PHKB: variants seen among roughly 807,000 people sequenced by gnomAD.
PHKB encodes the protein phosphorylase b kinase regulatory subunit beta.
A neutral mutation model predicts 152.1 loss-of-function variants in PHKB; 122 were observed. That is an observed-to-expected ratio of 0.80 (90% CI 0.69 to 0.93). The LOEUF is 0.93. Ranked by LOEUF, PHKB falls within the 40% of genes least tolerant of loss-of-function variation. The probability of loss-of-function intolerance (pLI) is 0.00; values close to 1 mark genes in which losing one functional copy is unlikely to be tolerated. For synonymous variants in PHKB, 436 were observed against 464.9 expected (o/e 0.94, Z 0.80); for missense variants, 1,304 against 1,328.4 (o/e 0.98, Z 0.29).
chr16:47,545,396 T>C (rs186631511), intron 6 of PHKB, among the ~76,000 whole-genome samples: 3 of 152,244 alleles, frequency 2.0e-5, no homozygotes, highest in Non-Finnish European at 4.4e-5. Context: ...AAAATTCTTT[T>C]CTTTACGAAT....
At chr16:47,697,934 C>G (rs143539416) in intron 29 of PHKB, among the ~76,000 whole-genome samples, 5 of 152,150 alleles carry the variant, frequency 3.3e-5, no homozygotes, top group African/African-American at 1.2e-4. Context: ...ACATGGCCAT[C>G]CCTTGAGAAA....
At chr16:47,599,014 A>G in intron 13 of PHKB, 1 of 808,004 alleles carries the variant, frequency 1.2e-6, no homozygotes, top group East Asian at 2.5e-5. Flanking sequence ...GACAGCGCCA[A>G]CGATTCGATC....
At chr16:47,516,578 T>G (rs916298033) in intron 6 of PHKB, among the ~76,000 whole-genome samples, 1 of 152,130 alleles carries the variant, frequency 6.6e-6, no homozygotes, top group Admixed American at 6.6e-5. Context: ...TTACTATTCC[T>G]CTCCTGTGAT....
chr16:47,559,305 G>A (rs1232769399), intron 7 of PHKB, among the ~76,000 whole-genome samples: 3 of 152,174 alleles, frequency 2.0e-5, no homozygotes, highest in Non-Finnish European at 4.4e-5. Flanking sequence ...ATTCAAAATT[G>A]TAATTGGCCT....
chr16:47,484,974 AAGTACTT>A (rs1413608494), intron 1 of PHKB, among the ~76,000 whole-genome samples: 1 of 152,188 alleles, frequency 6.6e-6, no homozygotes, highest in African/African-American at 2.4e-5. Flanking sequence ...AGGCATTTTA[AAGTACTT>A]AGTTATCTAT....
chr16:47,557,413 C>A (rs180892194), intron 7 of PHKB, among the ~76,000 whole-genome samples: 2,264 of 143,910 alleles, frequency 0.016, 21 homozygotes, highest in Non-Finnish European at 0.023. Context: ...AGCTTCTGCA[C>A]AGCAAAAGAA....
chr16:47,538,644 A>C (rs1448690333), intron 6 of PHKB, among the ~76,000 whole-genome samples: 1 of 152,194 alleles, frequency 6.6e-6, no homozygotes, highest in African/African-American at 2.4e-5. Context: ...GTCCTTCATG[A>C]GATAACCTGG....
chr16:47,594,612 C>A (rs2151700729), intron 12 of PHKB, among the ~76,000 whole-genome samples: 1 of 152,166 alleles, frequency 6.6e-6, no homozygotes. Context: ...TATTCTGGCC[C>A]CCTCTTTGGA....
At chr16:47,642,494 G>T (rs552534070) in intron 16 of PHKB, among the ~76,000 whole-genome samples, 11 of 152,236 alleles carry the variant, frequency 7.2e-5, no homozygotes, top group African/African-American at 2.6e-4. Context: ...TTTAGTAATT[G>T]TTAAAAACAA....
intron 7 of PHKB, among the ~76,000 whole-genome samples, chr16:47,556,084 G>C (rs1404050836): frequency 6.6e-6 from 1 of 152,140 alleles, no homozygotes; most frequent in Non-Finnish European, 1.5e-5. Flanking sequence ...TCTGTTATTG[G>C]TGTCTAAGAA....
intron 16 of PHKB, among the ~76,000 whole-genome samples, chr16:47,646,269 C>G (rs1184315881): frequency 2.7e-5 from 2 of 75,128 alleles, no homozygotes; most frequent in Non-Finnish European, 5.0e-5. Flanking sequence ...TCTCAGTAAA[C>G]TATCGCAAGA....
In PHKB at chr16:47,547,474, T is replaced by C. The variant is rs913444440; in HGVS notation, c.636T>C (p.Val212=). The C allele has an allele frequency of 1.9e-6, 3 of 1,612,956 alleles. No individual in the cohort carries two copies. Among genetic ancestry groups the C allele is most frequent in the Non-Finnish European group, 2.5e-6 (3 of 1,178,986 alleles). The change falls in exon 7 of 31, where the codon GTT becomes GTC. Residue 212 remains valine (V), a synonymous_variant. Coordinates refer to ENST00000323584, the MANE Select transcript of PHKB (RefSeq NM_000293.3). Reference sequence around the variant, plus strand: ...ACCTTGTATTTTGTGTGGAAAGAGTTTACCGTGTGCCTGACTTTGGTGTCT... The same window carrying C: ...ACCTTGTATTTTGTGTGGAAAGAGTCTACCGTGTGCCTGACTTTGGTGTCT... ...IQNLVFCVER[V]YRVPDFGVWE...
At chr16:47,682,120 C>A (rs1457127390) in intron 26 of PHKB, among the ~76,000 whole-genome samples, 2 of 152,158 alleles carry the variant, frequency 1.3e-5, no homozygotes, top group Non-Finnish European at 2.9e-5. Context: ...TGTATTCTGC[C>A]AAGAGATCCG....
At chr16:47,627,461 G>A (rs186238365) in intron 14 of PHKB, among the ~76,000 whole-genome samples, 33 of 152,266 alleles carry the variant, frequency 2.2e-4, no homozygotes, top group African/African-American at 7.7e-4. Flanking sequence ...CAAAGCGTTC[G>A]GTATTCTCTT....
At chr16:47,473,255 T>TTTTTTTG (rs1969810749) in intron 1 of PHKB, among the ~76,000 whole-genome samples, 1 of 139,464 alleles carries the variant, frequency 7.2e-6, no homozygotes, top group African/African-American at 2.7e-5. Flanking sequence ...TTTTTTTTAT[T>TTTTTTTG]GTAGAGACAA....
At position 47,698,601 on chromosome 16, in the gene PHKB, C is replaced by CCCT; in HGVS notation, c.3144+13_3144+14insCCT. ...AATTGAAAAACAAGTAAGTACACAG[C>CCCT]TTTTTTTTTTTTTTTTTTTTTGAGA... On this transcript the variant is annotated intron_variant, in intron 30 of 30. Coordinates refer to ENST00000323584, the MANE Select transcript of PHKB (RefSeq NM_000293.3). The CCCT allele has an allele frequency of 1.4e-6, 1 of 730,284 alleles. No individual in the cohort carries two copies. The highest frequency in any genetic ancestry group is 1.8e-6 in the Non-Finnish European group (1 of 550,888). 45.2% of individuals were successfully genotyped at this position (730,284 alleles called of 1,614,324 possible). A position where few individuals can be genotyped will look rare whatever the true frequency, so the allele number is the denominator to read the frequency against.
chr16:47,605,065 GA>G (rs1392626314), intron 13 of PHKB, among the ~76,000 whole-genome samples: 2 of 152,128 alleles, frequency 1.3e-5, no homozygotes, highest in African/African-American at 4.8e-5. Flanking sequence ...ATGCAGTGGG[GA>G]AAAAATGTGC....
At chr16:47,479,049 G>A (rs1697907570) in intron 1 of PHKB, among the ~76,000 whole-genome samples, 1 of 152,076 alleles carries the variant, frequency 6.6e-6, no homozygotes, top group African/African-American at 2.4e-5. Context: ...ACGAAATAAG[G>A]GACTTAGACC....
chr16:47,494,272 C>T (rs1202580696), intron 1 of PHKB, among the ~76,000 whole-genome samples: 1 of 152,168 alleles, frequency 6.6e-6, no homozygotes. Flanking sequence ...TATGTGGAAG[C>T]ATAGATAGAA....
Sources: allele counts gnomAD v4.1 joint callset (sites outside exome capture counted in the v4.1 genomes callset), GRCh38; gene constraint gnomAD v4.1.1; transcripts MANE v1.5; gene names NCBI Gene and HGNC (gene_info 2026-07-23, HGNC 2026-07-21).